Variants in FYCO1 observed in about 807,000 individuals in gnomAD.
FYCO1 encodes FYVE and coiled-coil domain autophagy adaptor 1, also known as FYVE and coiled-coil domain-containing protein 1.
In FYCO1, 122 loss-of-function variants were observed where a neutral mutation model predicts 165.1. The observed-to-expected ratio is 0.74, with a 90% CI of 0.64 to 0.86. FYCO1 has a LOEUF of 0.86. Among genes scored for constraint, FYCO1 ranks in the 40% least tolerant of loss-of-function variants. FYCO1 has a pLI of 0.00. For missense variants in FYCO1, 1,702 were observed against 1,810.3 expected, an observed-to-expected ratio of 0.94 and a Z score of 1.09; for synonymous variants, 648 against 742.5, an observed-to-expected ratio of 0.87 and a Z score of 2.07.
intron 1 of FYCO1, among the ~76,000 whole-genome samples, chr3:45,986,638 A>G (rs1707329332): frequency 6.6e-6 from 1 of 152,206 alleles, no homozygotes; most frequent in African/African-American, 2.4e-5. Flanking sequence ...AGTCCCAGAG[A>G]GAAGAGCTTC....
At chr3:45,940,091 A>G (rs988946569) in intron 14 of FYCO1, among the ~76,000 whole-genome samples, 2 of 152,222 alleles carry the variant, frequency 1.3e-5, no homozygotes, top group Non-Finnish European at 2.9e-5. Context: ...CTATCAAATT[A>G]TTATTATTGT....
intron 4 of FYCO1, 139 bp downstream of exon 4, chr3:45,979,566 C>G: frequency 2.0e-6 from 2 of 991,824 alleles, no homozygotes; most frequent in Non-Finnish European, 3.2e-6. Flanking sequence ...ATGGGCATTG[C>G]GTATACCTGG....
At position 45,966,243 on chromosome 3, in the gene FYCO1, G is replaced by C. The variant is rs375746676; in HGVS notation, c.3057+34C>G. 36 of 1,607,758 alleles carry C rather than the reference G, an allele frequency of 2.2e-5. 1 individual carries two copies. In the Admixed American group the frequency reaches 2.3e-4, roughly 10 times the overall value. On this transcript the variant is annotated intron_variant, in intron 8 of 17. Transcript: ENST00000296137. ...GACCCACCAGGCCTGCCCAGGGAGA[G>C]GGGTAGAGCCCAAGTGGTTGAAGCT...
chr3:45,955,435 A>G, intron 13 of FYCO1, 42 bp from the exon 14 acceptor site: 7 of 1,612,174 alleles, frequency 4.3e-6, no homozygotes, highest in Non-Finnish European at 5.9e-6. Flanking sequence ...GACACAACAC[A>G]CTGTTATGCA....
In FYCO1 at chr3:45,985,019, G is replaced by A; in HGVS notation, c.-109C>T. The A allele has an allele frequency of 9.9e-7, 1 of 1,005,174 alleles. No individual in the cohort carries two copies. The highest frequency in any genetic ancestry group is 1.7e-5 in the Admixed American group (1 of 58,022). 62.3% of individuals were successfully genotyped at this position (1,005,174 alleles called of 1,614,324 possible). On this transcript the variant is annotated 5_prime_UTR_variant, in exon 2 of 18. Transcript: ENST00000296137. ...TCAGCAGTGGTCAGACTCCATGGTG[G>A]CACCTGCACAGAGGAAGGGGAGGCC...
Position 45,962,145 on chromosome 3 carries a change from T to C in FYCO1, c.3437+80A>G. ...AAGTGGGGAAATTTCTGAAGTATGC[T>C]TTCAAGAACAGCTGCATTTCTTTAG... On this transcript the variant is annotated intron_variant, in intron 11 of 17. Coordinates refer to ENST00000296137, the MANE Select transcript of FYCO1 (RefSeq NM_024513.4). This position sits in a 1 kb window ranked among gnomAD's most constrained non-coding sequence, Gnocchi z 4.4. The C allele has an allele frequency of 6.8e-7, 1 of 1,479,714 alleles. No homozygotes were observed. The highest frequency in any genetic ancestry group is 2.3e-5 in the East Asian group (1 of 44,228). 91.7% of individuals were successfully genotyped at this position (1,479,714 alleles called of 1,614,324 possible). A position where few individuals can be genotyped will look rare whatever the true frequency, so the allele number is the denominator to read the frequency against.
chr3:45,923,396 G>C (rs1397089076), intron 17 of FYCO1, among the ~76,000 whole-genome samples: 1 of 152,190 alleles, frequency 6.6e-6, no homozygotes, highest in Admixed American at 6.5e-5. Flanking sequence ...TTCAGATCCA[G>C]CTCCACCACT....
chr3:45,975,610 A>T (rs1025648149), intron 4 of FYCO1, among the ~76,000 whole-genome samples: 3 of 152,232 alleles, frequency 2.0e-5, no homozygotes, highest in Non-Finnish European at 4.4e-5. Flanking sequence ...CATATTAACA[A>T]GAGGCTTCCA....
intron 1 of FYCO1, among the ~76,000 whole-genome samples, chr3:45,994,218 CAAA>C (rs11328676): frequency 2.2e-5 from 3 of 136,886 alleles, no homozygotes; most frequent in Admixed American, 7.0e-5. Context: ...AAAGTAACTG[CAAA>C]AAAAAAAAAA....
intron 5 of FYCO1, among the ~76,000 whole-genome samples, chr3:45,974,240 C>T (rs746054946): frequency 2.6e-5 from 4 of 152,106 alleles, no homozygotes; most frequent in Admixed American, 6.5e-5. Flanking sequence ...TAGCCAGACA[C>T]AGTGGTAAAT....
intron 14 of FYCO1, among the ~76,000 whole-genome samples, chr3:45,944,251 G>A (rs796133260): frequency 1.2e-4 from 18 of 152,086 alleles, no homozygotes; most frequent in African/African-American, 4.3e-4. Context: ...GAAAAGGTCT[G>A]CAGTTTTTAG....
In FYCO1 at chr3:45,993,620, T is replaced by G. The variant is rs185224041; in HGVS notation, c.-113+2102A>C. Among the ~76,000 whole-genome samples, 270 of 152,358 alleles carry G rather than the reference T, an allele frequency of 1.8e-3. 1 individual carries two copies. Among genetic ancestry groups the G allele is most frequent in the Middle Eastern group, 6.8e-3 (2 of 294 alleles). ...AGACAAGAACATAGCAGTCATGACG[T>G]GAGCAGATGTTGCCCTGACCATAAT... On this transcript the variant is annotated intron_variant, in intron 1 of 17. Coordinates refer to ENST00000296137, the MANE Select transcript of FYCO1 (RefSeq NM_024513.4). This position sits in a 1 kb window ranked among gnomAD's most constrained non-coding sequence, Gnocchi z 4.4.
chr3:45,967,579 C>T lies in FYCO1; in HGVS notation c.1755G>A (p.Trp585Ter). The T allele has an allele frequency of 6.2e-7, 1 of 1,614,148 alleles. No individual in the cohort carries two copies. The highest frequency in any genetic ancestry group is 8.5e-7 in the Non-Finnish European group (1 of 1,180,034). The change falls in exon 8 of 18, where the codon TGG (tryptophan) becomes TGA (stop). Residue 585 changes from tryptophan (W) to a stop codon, truncating the protein, a stop_gained. Coordinates refer to ENST00000296137, the MANE Select transcript of FYCO1 (RefSeq NM_024513.4). LOFTEE classifies it high-confidence loss of function. ...VPVNSSLQEA[W>*]GKPEEEQRGL... The stretch of plus-strand genomic sequence containing the variant: ...CCCTCTGCTCCTCCTCTGGCTTCCC[C>T]CAGGCCTCTTGCAGACTGGAGTTCA...
In FYCO1 at chr3:45,967,949, T is replaced by C. The variant is rs773845615; in HGVS notation, c.1385A>G (p.Lys462Arg). The C allele has an allele frequency of 1.2e-6, 2 of 1,614,130 alleles. No homozygotes were observed. Among genetic ancestry groups the C allele is most frequent in the Admixed American group, 3.3e-5 (2 of 60,030 alleles). Residue 462 changes from lysine to arginine, a missense_variant, in exon 8 of 18, where the codon AAG (lysine) becomes AGG (arginine). By Grantham distance (26) the Lys-to-Arg change is conservative. Transcript: ENST00000296137. The part of the protein sequence containing the change: ...MAPLQEELSG[K>R]GQEADQLWRR... Reference sequence around the variant, plus strand: ...CCAGAGCTGGTCTGCCTCCTGTCCCTTCCCAGACAACTCCTCCTGGAGTGG... The same window carrying C: ...CCAGAGCTGGTCTGCCTCCTGTCCCCTCCCAGACAACTCCTCCTGGAGTGG...
intron 8 of FYCO1, 142 bp from the exon 9 acceptor site, chr3:45,965,267 A>C (rs1705943376): frequency 1.5e-6 from 1 of 659,234 alleles, no homozygotes; most frequent in African/African-American, 1.8e-5. Context: ...CTTTGGGTTT[A>C]TTAATAGTGA....
chr3:45,980,320 G>T (rs888754408), intron 3 of FYCO1, among the ~76,000 whole-genome samples: 5 of 150,272 alleles, frequency 3.3e-5, no homozygotes, highest in African/African-American at 1.2e-4. Flanking sequence ...CTGCACTCCA[G>T]CCTGGGCAAC....
At chr3:45,924,471 C>T (rs1295511082) in intron 16 of FYCO1, among the ~76,000 whole-genome samples, 2 of 152,120 alleles carry the variant, frequency 1.3e-5, no homozygotes, top group Non-Finnish European at 2.9e-5. Flanking sequence ...CTAGACAGGG[C>T]CAGGGCTCAG....
chr3:45,968,131 C>A lies in FYCO1; in HGVS notation c.1203G>T (p.Gln401His). ...PIPSDAAQEM[Q>H]ELGEKLQALE... is the part of the protein sequence containing the mutation. ...GGGCTTGAAGCTTCTCCCCTAGCTCCTGCATCTCCTGGGCCGCATCACTGG... is the reference window on the plus strand; with the variant it reads ...GGGCTTGAAGCTTCTCCCCTAGCTCATGCATCTCCTGGGCCGCATCACTGG... Residue 401 changes from glutamine to histidine, a missense_variant, in exon 8 of 18, where the codon CAG (glutamine) becomes CAT (histidine). By Grantham distance (24) the Gln-to-His change is conservative. Transcript: ENST00000296137. The A allele has an allele frequency of 6.2e-7, 1 of 1,614,172 alleles. No homozygotes were observed. Among genetic ancestry groups the A allele is most frequent in the Non-Finnish European group, 8.5e-7 (1 of 1,180,032 alleles).
In FYCO1 at chr3:45,918,023, A is replaced by T. The variant is rs7130; in HGVS notation, c.*3742T>A. 0.83 allele frequency: 127,446 copies of T among 152,702 alleles called. 53,756 individuals carry two copies. The highest frequency in any genetic ancestry group is 1 in the East Asian group (5,183 of 5,188). 9.5% of individuals were successfully genotyped at this position (152,702 alleles called of 1,614,324 possible). On this transcript the variant is annotated 3_prime_UTR_variant, in exon 18 of 18. Coordinates refer to ENST00000296137, the MANE Select transcript of FYCO1 (RefSeq NM_024513.4). ...ATACAAAAGTTTTCCACCCCCATTG[A>T]GCAGGTGGGGTGCTGGTATTTGATG... is the stretch of plus-strand genomic sequence containing the variant.
Sources: gnomAD v4.1 joint callset for allele counts (sites outside exome capture counted in the v4.1 genomes callset) on GRCh38, gnomAD v4.1.1 for gene constraint, Gnocchi (gnomAD v3.1) non-coding constraint, MANE v1.5 for transcripts, NCBI Gene and HGNC (gene_info 2026-07-23, HGNC 2026-07-21) for gene names.